Variants in BICC1 observed in about 807,000 individuals in gnomAD.
The protein encoded by BICC1 is BicC family RNA binding protein 1, also known as protein bicaudal C homolog 1.
BICC1 carries 43 observed loss-of-function variants against 111.0 expected under a neutral mutation model. That is an observed-to-expected ratio of 0.39 (90% confidence interval 0.30 to 0.50). The LOEUF (loss-of-function observed/expected upper bound fraction) is 0.50, where lower values mean the gene tolerates loss of function less well. Ranked by LOEUF, BICC1 falls within the 20% of genes least tolerant of loss-of-function variation. The pLI, the probability that BICC1 is intolerant of heterozygous loss-of-function variation, is 0.88. For missense variants in BICC1, 1,091 were observed against 1,203.2 expected (o/e 0.91, Z 1.38); for synonymous variants, 467 against 434.4 (o/e 1.07, Z -0.93).
At chr10:58,526,501 C>G (rs1380293693) in intron 1 of BICC1, among the ~76,000 whole-genome samples, 6 of 151,724 alleles carry the variant, frequency 4.0e-5, no homozygotes, top group African/African-American at 7.3e-5. Context: ...TAACTCATCA[C>G]ATGTGTCATA....
chr10:58,829,215 T>C lies in BICC1; in HGVS notation c.*324T>C, dbSNP rs1295600856. The C allele has an allele frequency of 6.2e-6, 1 of 160,728 alleles. No individual in the cohort carries two copies. The highest frequency in any genetic ancestry group is 1.6e-4 in the East Asian group (1 of 6,124). The allele number at this position is 160,728 out of a possible 1,614,324, so 10.0% of individuals were successfully genotyped here. A position where few individuals can be genotyped will look rare whatever the true frequency, so the allele number is the denominator to read the frequency against. On this transcript the variant is annotated 3_prime_UTR_variant, in exon 21 of 21. Coordinates refer to ENST00000373886, the MANE Select transcript of BICC1 (RefSeq NM_001080512.3). ...GATTTTTTTTTTTTTTTTTTTTTTT[T>C]TTTTTTTACTTAAAATGAAGGATGA...
At chr10:58,670,047 T>C (rs1839135274) in intron 2 of BICC1, among the ~76,000 whole-genome samples, 1 of 152,148 alleles carries the variant, frequency 6.6e-6, no homozygotes, top group African/African-American at 2.4e-5. Flanking sequence ...TTAAAGTTTT[T>C]TTAACATTCT....
chr10:58,587,653 C>G (rs993784114), intron 1 of BICC1, among the ~76,000 whole-genome samples: 2 of 152,130 alleles, frequency 1.3e-5, no homozygotes, highest in African/African-American at 2.4e-5. Flanking sequence ...AACTGGCCAG[C>G]TTTAGCCCTC....
rs372263810 is a variant in BICC1, at chr10:58,776,622, G to A, written c.308-8379G>A. On this transcript the variant is annotated intron_variant, in intron 3 of 20. Transcript: ENST00000373886. Reference sequence around the variant, plus strand: ...TTCCTCCTCTTCATCCTGGATCCTCGCATTATTGTTTTTGCCATGTGGGGT... The same window carrying A: ...TTCCTCCTCTTCATCCTGGATCCTCACATTATTGTTTTTGCCATGTGGGGT... Among the ~76,000 whole-genome samples the A allele has an allele frequency of 2.3e-3, 347 of 152,140 alleles. 2 individuals carry two copies. Among genetic ancestry groups the A allele is most frequent in the African/African-American group, 8.1e-3 (336 of 41,512 alleles).
At chr10:58,555,137 T>C (rs1279409406) in intron 1 of BICC1, among the ~76,000 whole-genome samples, 1 of 151,864 alleles carries the variant, frequency 6.6e-6, no homozygotes, top group African/African-American at 2.4e-5. Context: ...AGGATAATTA[T>C]TTGGGGGAAA....
At chr10:58,546,323 C>T (rs779824748) in intron 1 of BICC1, among the ~76,000 whole-genome samples, 4 of 152,106 alleles carry the variant, frequency 2.6e-5, no homozygotes, top group Non-Finnish European at 5.9e-5. Context: ...TTTAAAGGGG[C>T]TGCCTGTGTT....
At chr10:58,711,006 A>T (rs1840555907) in intron 3 of BICC1, among the ~76,000 whole-genome samples, 1 of 151,902 alleles carries the variant, frequency 6.6e-6, no homozygotes, top group Non-Finnish European at 1.5e-5. Context: ...AAGCCACCAT[A>T]CCTGGCTAAT....
chr10:58,513,692 A>G (rs1374261841), intron 1 of BICC1, among the ~76,000 whole-genome samples: 1 of 152,228 alleles, frequency 6.6e-6, no homozygotes, highest in Non-Finnish European at 1.5e-5. Flanking sequence ...CGCACAGAGT[A>G]TGCGTGACCC....
Position 58,620,863 on chromosome 10 carries a change from G to C in BICC1, c.199G>C (p.Glu67Gln). Reference protein sequence around the residue: ...KLEAMLQAAAEGKGRSGEDFF... With the variant: ...KLEAMLQAAAQGKGRSGEDFF... ...CACATTTTTATTTACAGCTGCTGCTGAAGGGAAAGGCAGAAGTGGGGAAGA... is the reference window on the plus strand; with the variant it reads ...CACATTTTTATTTACAGCTGCTGCTCAAGGGAAAGGCAGAAGTGGGGAAGA... Residue 67 changes from glutamate to glutamine, a missense_variant, in exon 2 of 21, where the codon GAA (glutamate) becomes CAA (glutamine). Physicochemically the swap from Glu to Gln is conservative, Grantham distance 29 (BLOSUM62 2). Transcript: ENST00000373886. 3.7e-6 allele frequency: 6 copies of C among 1,613,390 alleles called. No individual in the cohort carries two copies. The highest frequency in any genetic ancestry group is 5.1e-6 in the Non-Finnish European group (6 of 1,179,762).
At chr10:58,775,583 A>C (rs903632830) in intron 3 of BICC1, among the ~76,000 whole-genome samples, 1 of 152,176 alleles carries the variant, frequency 6.6e-6, no homozygotes, top group Non-Finnish European at 1.5e-5. Context: ...TCGCCCAAAG[A>C]TATAAATCTC....
intron 2 of BICC1, among the ~76,000 whole-genome samples, chr10:58,644,719 A>T (rs539705634): frequency 6.6e-6 from 1 of 152,312 alleles, no homozygotes; most frequent in Middle Eastern, 3.4e-3. Context: ...CAACGTTGTC[A>T]GGAAGGGCAA....
At chr10:58,707,431 C>A (rs1840418043) in intron 3 of BICC1, among the ~76,000 whole-genome samples, 1 of 151,780 alleles carries the variant, frequency 6.6e-6, no homozygotes, top group African/African-American at 2.4e-5. Flanking sequence ...GCAACCTATT[C>A]GTGTGTCAGG....
rs745857191 is a variant in BICC1, at chr10:58,788,423, G to A, written c.600G>A (p.Arg200=). 1.9e-6 allele frequency: 3 copies of A among 1,605,374 alleles called. No individual in the cohort carries two copies. Among genetic ancestry groups the A allele is most frequent in the South Asian group, 2.2e-5 (2 of 90,704 alleles). Residue 200 remains arginine (R), a splice_region_variant and synonymous_variant, in exon 6 of 21, where the codon CGG becomes CGA. Coordinates refer to ENST00000373886, the MANE Select transcript of BICC1 (RefSeq NM_001080512.3). ...AGVESARVRI[R]ELLPLVLMFE... ...TAGAATCTGCCCGAGTTAGAATTCGGGTAACTATTTATTACTTTAACATTG... is the reference window on the plus strand; with the variant it reads ...TAGAATCTGCCCGAGTTAGAATTCGAGTAACTATTTATTACTTTAACATTG...
At chr10:58,816,386 A>G (rs552883282) in intron 18 of BICC1, among the ~76,000 whole-genome samples, 39 of 152,230 alleles carry the variant, frequency 2.6e-4, no homozygotes, top group Middle Eastern at 3.4e-3. Context: ...TCCTTTCTCT[A>G]CACATTCACC....
chr10:58,606,857 A>G (rs1388076819), intron 1 of BICC1, among the ~76,000 whole-genome samples: 1 of 152,066 alleles, frequency 6.6e-6, no homozygotes, highest in Non-Finnish European at 1.5e-5. Context: ...AATACATTTT[A>G]TAGTCTGTTT....
At chr10:58,632,733 AG>A (rs1837834354) in intron 2 of BICC1, among the ~76,000 whole-genome samples, 1 of 152,182 alleles carries the variant, frequency 6.6e-6, no homozygotes, top group South Asian at 2.1e-4. Flanking sequence ...GAGACAAAAT[AG>A]GCATTTCCAG....
At chr10:58,774,769 C>A (rs546225160) in intron 3 of BICC1, among the ~76,000 whole-genome samples, 3 of 152,226 alleles carry the variant, frequency 2.0e-5, no homozygotes, top group South Asian at 4.1e-4. Context: ...ATTTTGAAGA[C>A]CTTTGCCGAT....
chr10:58,790,033 T>C, intron 8 of BICC1, 100 bp downstream of exon 8: 2 of 1,329,006 alleles, frequency 1.5e-6, no homozygotes, highest in Non-Finnish European at 2.1e-6. Context: ...AGGAAAGCAC[T>C]TCGGAAGCCT....
rs957111887 is a variant in BICC1, at chr10:58,538,319, G to A, written c.190+24986G>A. On this transcript the variant is annotated intron_variant, in intron 1 of 20. Transcript: ENST00000373886. ...AAATAGAGAACCAAGAAATAAAGCC[G>A]AATACTTACAACCAACTGATCTTTG... Among the ~76,000 whole-genome samples, 7 of 151,316 alleles carry A rather than the reference G, an allele frequency of 4.6e-5. No homozygotes were observed. In the East Asian group the frequency reaches 5.9e-4, roughly 13 times the overall value.
Sources: gnomAD v4.1 joint callset for allele counts (sites outside exome capture counted in the v4.1 genomes callset) on GRCh38, gnomAD v4.1.1 for gene constraint, MANE v1.5 for transcripts, NCBI Gene and HGNC (gene_info 2026-07-23, HGNC 2026-07-21) for gene names.